BBS9: variants seen among roughly 807,000 people sequenced by gnomAD.
BBS9 encodes protein PTHB1.
A neutral mutation model predicts 117.7 loss-of-function variants in BBS9; 89 were observed. That is an observed-to-expected ratio of 0.76 (90% CI 0.64 to 0.90). The LOEUF (loss-of-function observed/expected upper bound fraction) is 0.90. Among genes scored for constraint, BBS9 ranks in the 40% least tolerant of loss-of-function variants. BBS9 has a pLI of 0.00. For synonymous variants in BBS9, 379 were observed against 370.9 expected (o/e 1.02, Z -0.25); for missense variants, 982 against 1,042.2 (o/e 0.94, Z 0.80).
intron 9 of BBS9, among the ~76,000 whole-genome samples, chr7:33,287,593 A>G (rs532913931): frequency 6.6e-6 from 1 of 152,176 alleles, no homozygotes; most frequent in South Asian, 2.1e-4. Context: ...GGGGGTTCCC[A>G]GATATTCTAA....
At chr7:33,554,534 AG>A (rs1340789133) in intron 21 of BBS9, among the ~76,000 whole-genome samples, 1 of 152,228 alleles carries the variant, frequency 6.6e-6, no homozygotes, top group Admixed American at 6.5e-5. Flanking sequence ...TGTTGCCTTT[AG>A]TACCAAGGTG....
At chr7:33,315,993 T>C (rs1296893755) in intron 9 of BBS9, among the ~76,000 whole-genome samples, 4 of 152,214 alleles carry the variant, frequency 2.6e-5, no homozygotes, top group Non-Finnish European at 5.9e-5. Flanking sequence ...CATTGAAAGA[T>C]ACAAACCTTA....
At chr7:33,365,678 G>A (rs191844838) in intron 16 of BBS9, among the ~76,000 whole-genome samples, 1 of 152,226 alleles carries the variant, frequency 6.6e-6, no homozygotes, top group East Asian at 1.9e-4. Context: ...CTGAAGCATG[G>A]GTATGTGTAA....
At chr7:33,527,941 A>T (rs1849901726) in intron 20 of BBS9, among the ~76,000 whole-genome samples, 1 of 152,228 alleles carries the variant, frequency 6.6e-6, no homozygotes, top group African/African-American at 2.4e-5. Flanking sequence ...ATTTAGAACT[A>T]AAGTACCAAG....
intron 5 of BBS9, among the ~76,000 whole-genome samples, chr7:33,247,139 A>T (rs942412279): frequency 9.2e-5 from 14 of 152,074 alleles, no homozygotes; most frequent in African/African-American, 3.4e-4. Flanking sequence ...TCTCTGAAAG[A>T]ATTTTTTCCC....
chr7:33,136,592 G>A (rs777645630), intron 1 of BBS9, among the ~76,000 whole-genome samples: 4 of 152,096 alleles, frequency 2.6e-5, no homozygotes, highest in African/African-American at 4.8e-5. Flanking sequence ...GTGATCAAGT[G>A]GCTTTTGATT....
At chr7:33,181,509 T>C (rs1798093953) in intron 5 of BBS9, among the ~76,000 whole-genome samples, 1 of 152,230 alleles carries the variant, frequency 6.6e-6, no homozygotes, top group African/African-American at 2.4e-5. Context: ...TAAAACCTTA[T>C]AGACAAATCT....
At chr7:33,236,325 CAAA>C (rs11382813) in intron 5 of BBS9, among the ~76,000 whole-genome samples, 3 of 123,464 alleles carry the variant, frequency 2.4e-5, no homozygotes, top group East Asian at 2.3e-4. Flanking sequence ...TACTCCATCT[CAAA>C]AAAAAAAAAA....
chr7:33,482,950 A>G (rs1842680852), intron 19 of BBS9, among the ~76,000 whole-genome samples: 1 of 151,656 alleles, frequency 6.6e-6, no homozygotes. Context: ...GAACTGTCCT[A>G]TGAATATAAG....
At chr7:33,355,319 A>G (rs1308705038) in intron 15 of BBS9, among the ~76,000 whole-genome samples, 1 of 151,944 alleles carries the variant, frequency 6.6e-6, no homozygotes, top group East Asian at 1.9e-4. Context: ...ATCCCAGTAG[A>G]AATGTGCCTC....
intron 4 of BBS9, among the ~76,000 whole-genome samples, chr7:33,167,711 A>C (rs1175915403): frequency 1.6e-4 from 25 of 152,074 alleles, no homozygotes; most frequent in Admixed American, 1.6e-3. Context: ...AAATTCTGGG[A>C]ATTCTTACCC....
chr7:33,407,746 A>G (rs1428336454), intron 19 of BBS9, among the ~76,000 whole-genome samples: 1 of 152,164 alleles, frequency 6.6e-6, no homozygotes, highest in East Asian at 1.9e-4. Context: ...CTGCAGAACC[A>G]CGGATTTTTG....
At chr7:33,429,664 AATTT>A (rs886618279) in intron 19 of BBS9, among the ~76,000 whole-genome samples, 13 of 151,856 alleles carry the variant, frequency 8.6e-5, no homozygotes, top group African/African-American at 2.9e-4. Flanking sequence ...GAAAAAAATA[AATTT>A]ATTTATTTAT....
At chr7:33,204,260 CGGT>C (rs3083582) in intron 5 of BBS9, among the ~76,000 whole-genome samples, 123,083 of 148,734 alleles carry the variant, frequency 0.83, 50,793 homozygotes, top group Admixed American at 0.87. Context: ...AAAAATTAGC[CGGT>C]GGTGGTGGTG....
chr7:33,445,475 C>G (rs1288523598), intron 19 of BBS9, among the ~76,000 whole-genome samples: 1 of 152,152 alleles, frequency 6.6e-6, no homozygotes, highest in Non-Finnish European at 1.5e-5. Context: ...TAGTAAACTA[C>G]TTGTATGTTG....
At chr7:33,340,459 T>A (rs1208744739) in intron 10 of BBS9, among the ~76,000 whole-genome samples, 2 of 152,230 alleles carry the variant, frequency 1.3e-5, no homozygotes, top group East Asian at 3.8e-4. Context: ...TGTTTTCATT[T>A]CTGAAAAAAT....
intron 15 of BBS9, chr7:33,357,642 T>C (rs1173322597): frequency 3.1e-6 from 2 of 636,480 alleles, no homozygotes; most frequent in Non-Finnish European, 5.6e-6. Flanking sequence ...TCTATGCTTC[T>C]TTTAAAATTT....
At chr7:33,154,949 A>G (rs148515392) in intron 3 of BBS9, among the ~76,000 whole-genome samples, 1 of 152,198 alleles carries the variant, frequency 6.6e-6, no homozygotes, top group Non-Finnish European at 1.5e-5. Context: ...AATCACAGCC[A>G]TTTACACTCT....
In BBS9 at chr7:33,357,975, GTCT is replaced by G; in HGVS notation, c.1678_1680del (p.Leu560del). 6.2e-7 allele frequency: 1 copy of G among 1,612,298 alleles called. No individual in the cohort carries two copies. Among genetic ancestry groups the G allele is most frequent in the Admixed American group, 1.7e-5 (1 of 59,906 alleles). ...ATTGATACCAACAAATCTCCAGTCA[GTCT>G]TCTTAGTCTCTTCCCAGGTAAGACT... On this transcript the variant is annotated inframe_deletion, in exon 16 of 23. Coordinates refer to ENST00000242067, the MANE Select transcript of BBS9 (RefSeq NM_198428.3).
Sources: gnomAD v4.1 joint callset for allele counts (sites outside exome capture counted in the v4.1 genomes callset) on GRCh38, gnomAD v4.1.1 for gene constraint, MANE v1.5 for transcripts, NCBI Gene and HGNC (gene_info 2026-07-23, HGNC 2026-07-21) for gene names.